EFR3B: variants seen among roughly 807,000 people sequenced by gnomAD.
EFR3B encodes the protein protein EFR3 homolog B.
A neutral mutation model predicts 104.7 loss-of-function variants in EFR3B; 64 were observed. That is an observed-to-expected ratio of 0.61 (90% CI 0.50 to 0.75). EFR3B has a LOEUF of 0.75. Ranked by LOEUF, EFR3B falls within the 30% of genes least tolerant of loss-of-function variation. The pLI is 0.00. For missense variants in EFR3B, 750 were observed against 1,078.5 expected, an observed-to-expected ratio of 0.70 and a Z score of 4.27; for synonymous variants, 385 against 417.9, an observed-to-expected ratio of 0.92 and a Z score of 0.96.
chr2:25,098,106 AC>A (rs1317793394), intron 3 of EFR3B, among the ~76,000 whole-genome samples: 6 of 152,050 alleles, frequency 3.9e-5, no homozygotes, highest in Admixed American at 3.3e-4. Flanking sequence ...GCAGACCCCT[AC>A]TAGATGAGGA....
chr2:25,106,456 ATTT>A (rs35899048), intron 4 of EFR3B, among the ~76,000 whole-genome samples: 9 of 129,704 alleles, frequency 6.9e-5, no homozygotes, highest in Admixed American at 7.9e-5. Context: ...TGCCCAGCTA[ATTT>A]TTTTTTTTTT....
chr2:25,059,587 T>TGGGGGGG (rs1668129240), intron 1 of EFR3B, among the ~76,000 whole-genome samples: 1 of 59,338 alleles, frequency 1.7e-5, no homozygotes. Flanking sequence ...GGGGGGGGGG[T>TGGGGGGG]GGAGATTGGG....
chr2:25,102,748 T>C (rs1669459647), intron 3 of EFR3B, among the ~76,000 whole-genome samples: 1 of 152,172 alleles, frequency 6.6e-6, no homozygotes, highest in African/African-American at 2.4e-5. Context: ...ATGTTGTGTA[T>C]TCCTAGTTTC....
rs902268307 is a variant in EFR3B at position 25,046,492 on chromosome 2, C to G, written c.7+4173C>G. Among the ~76,000 whole-genome samples, 4 of 148,264 alleles carry G rather than the reference C, an allele frequency of 2.7e-5. No individual in the cohort carries two copies. The East Asian group carries it at 8.1e-4, about 30-fold the overall frequency. On this transcript the variant is annotated intron_variant, in intron 1 of 22. Coordinates refer to ENST00000403714, the MANE Select transcript of EFR3B (RefSeq NM_014971.2). ...AACTGCAGGGCAAGGCAGGCTCCCC[C>G]TGAAGTACAAAGTCTTTTTTTTTTT...
intron 3 of EFR3B, among the ~76,000 whole-genome samples, chr2:25,099,693 T>A (rs1558601554): frequency 2.0e-5 from 3 of 151,940 alleles, no homozygotes; most frequent in African/African-American, 2.4e-5. Flanking sequence ...TGTTAATTTT[T>A]TTTATGTTTG....
chr2:25,098,010 A>T (rs1055513018), intron 3 of EFR3B, among the ~76,000 whole-genome samples: 2 of 152,018 alleles, frequency 1.3e-5, no homozygotes, highest in East Asian at 3.9e-4. Context: ...CCTGGAGCTG[A>T]CCCAGTGGCC....
chr2:25,047,442 C>A (rs1044224907), intron 1 of EFR3B, among the ~76,000 whole-genome samples: 3 of 152,118 alleles, frequency 2.0e-5, no homozygotes, highest in African/African-American at 7.2e-5. Flanking sequence ...GAGCTGCCCC[C>A]ACTTTCCCTT....
intron 1 of EFR3B, among the ~76,000 whole-genome samples, chr2:25,049,158 G>T (rs1049438090): frequency 2.0e-5 from 3 of 152,202 alleles, no homozygotes; most frequent in African/African-American, 2.4e-5. Context: ...CTATACTCTC[G>T]AGAGCGTTCA....
intron 19 of EFR3B, chr2:25,146,928 C>T (rs1309697233): frequency 1.3e-5 from 2 of 152,362 alleles, no homozygotes; most frequent in Admixed American, 1.3e-4. Flanking sequence ...CATGCATAGT[C>T]TGGGCTCTGC....
intron 1 of EFR3B, among the ~76,000 whole-genome samples, chr2:25,086,990 T>C (rs1171367047): frequency 1.3e-5 from 2 of 152,204 alleles, no homozygotes; most frequent in Non-Finnish European, 1.5e-5. Flanking sequence ...GACTGCGTAA[T>C]TTATAAAGGA....
intron 4 of EFR3B, among the ~76,000 whole-genome samples, chr2:25,104,381 A>G (rs1189495744): frequency 6.6e-6 from 1 of 152,130 alleles, no homozygotes; most frequent in Admixed American, 6.6e-5. Flanking sequence ...CAAACAAACA[A>G]CAACAAAAAA....
Position 25,103,936 on chromosome 2 carries a change from C to T in EFR3B, c.363+149C>T, listed in dbSNP as rs1170801990. On this transcript the variant is annotated intron_variant, in intron 4 of 22. Coordinates refer to ENST00000403714, the MANE Select transcript of EFR3B (RefSeq NM_014971.2). ...GACACACTGCTTGTTTTAGGGTCTC[C>T]CTTTGTGTGAACAAAGGGCCCTTTC... 6 of 779,918 alleles carry T rather than the reference C, an allele frequency of 7.7e-6. No individual in the cohort carries two copies. The South Asian group carries it at 1.8e-4, about 23-fold the overall frequency. The allele number at this position is 779,918 out of a possible 1,614,324, so 48.3% of individuals were successfully genotyped here. A position where few individuals can be genotyped will look rare whatever the true frequency, so the allele number is the denominator to read the frequency against.
intron 1 of EFR3B, among the ~76,000 whole-genome samples, chr2:25,062,802 G>A (rs750154184): frequency 4.6e-5 from 7 of 152,238 alleles, no homozygotes; most frequent in Admixed American, 2.6e-4. Context: ...TGCCATTGGC[G>A]TTGCTGACTC....
At chr2:25,148,612 GTAATTTAATACTT>G (rs1670905509) in intron 19 of EFR3B, among the ~76,000 whole-genome samples, 1 of 148,950 alleles carries the variant, frequency 6.7e-6, no homozygotes, top group Non-Finnish European at 1.5e-5. Flanking sequence ...GCATTGGTGG[GTAATTTAATACTT>G]TAAGACTTCA....
intron 3 of EFR3B, among the ~76,000 whole-genome samples, chr2:25,096,042 G>A (rs1023234464): frequency 1.1e-4 from 16 of 151,748 alleles, no homozygotes; most frequent in African/African-American, 3.6e-4. Context: ...TTGAGATGGA[G>A]TCTCAGTCTG....
In EFR3B at chr2:25,046,977, C is replaced by T. The variant is rs117966951; in HGVS notation, c.7+4658C>T. 2.7e-3 allele frequency among the ~76,000 whole-genome samples: 415 copies of T among 152,274 alleles called. 16 individuals are homozygous for T. In the East Asian group the frequency reaches 0.07, roughly 26 times the overall value. On this transcript the variant is annotated intron_variant, in intron 1 of 22. Transcript: ENST00000403714. ...GCCTATGCATGTGGGAGCTGTGTGC[C>T]CTTCCCCCTCCCACCTACCACTCCA...
chr2:25,064,234 C>T (rs1032717504), intron 1 of EFR3B, among the ~76,000 whole-genome samples: 1 of 152,184 alleles, frequency 6.6e-6, no homozygotes, highest in Non-Finnish European at 1.5e-5. Flanking sequence ...CTGCAACAGT[C>T]TCTCTGATGA....
intron 1 of EFR3B, among the ~76,000 whole-genome samples, chr2:25,046,417 C>A (rs1667717223): frequency 6.6e-6 from 1 of 151,892 alleles, no homozygotes; most frequent in African/African-American, 2.4e-5. Context: ...CGAAAATGTG[C>A]TTGACGGAAT....
chr2:25,067,087 C>T (rs1162207720), intron 1 of EFR3B, among the ~76,000 whole-genome samples: 2 of 152,146 alleles, frequency 1.3e-5, no homozygotes, highest in Non-Finnish European at 2.9e-5. Flanking sequence ...TAGCCATTAG[C>T]CACATGTGGC....
Sources: allele counts gnomAD v4.1 joint callset (sites outside exome capture counted in the v4.1 genomes callset), GRCh38; gene constraint gnomAD v4.1.1; transcripts MANE v1.5; gene names NCBI Gene and HGNC (gene_info 2026-07-23, HGNC 2026-07-21).